ANKRD30B: variants seen among roughly 807,000 people sequenced by gnomAD.
ANKRD30B encodes the protein ankyrin repeat domain 30B, also known as ankyrin repeat domain-containing protein 30B.
Under a neutral mutation model 202.2 loss-of-function variants are expected in ANKRD30B, and 144 were observed. The observed-to-expected ratio is 0.71, with a 90% CI of 0.62 to 0.82. The LOEUF is 0.82. Ranked by LOEUF, ANKRD30B falls within the 40% of genes least tolerant of loss-of-function variation. The pLI is 0.00. For synonymous variants in ANKRD30B, 508 were observed against 561.3 expected (o/e 0.91, Z 1.34); for missense variants, 1,487 against 1,669.1 (o/e 0.89, Z 1.90).
At chr18:14,869,731 C>A in the ANKRD30B span, among the ~76,000 whole-genome samples, 78,720 of 150,146 alleles carry the variant, frequency 0.52, 20,772 homozygotes, top group African/African-American at 0.55. Context: ...CATGTCTTAC[C>A]TTTTATTAAT....
intron 16 of ANKRD30B, among the ~76,000 whole-genome samples, chr18:14,792,547 T>G (rs933826040): frequency 3.9e-5 from 6 of 152,014 alleles, no homozygotes; most frequent in African/African-American, 7.2e-5. Flanking sequence ...AGAAGCCAGC[T>G]AGATTATTTT....
At chr18:14,798,221 T>C (rs1969055284) in intron 20 of ANKRD30B, among the ~76,000 whole-genome samples, 1 of 147,778 alleles carries the variant, frequency 6.8e-6, no homozygotes, top group African/African-American at 2.5e-5. Context: ...TCACTGGATA[T>C]ACCCGCATTT....
chr18:14,879,216 G>A, the ANKRD30B span, among the ~76,000 whole-genome samples: 2 of 152,110 alleles, frequency 1.3e-5, no homozygotes, highest in African/African-American at 4.8e-5. Context: ...TCAGAGACCA[G>A]TTAGAAGGGT....
chr18:14,749,047 A>T (rs1175676519), intron 1 of ANKRD30B, among the ~76,000 whole-genome samples: 4 of 152,248 alleles, frequency 2.6e-5, no homozygotes, highest in Non-Finnish European at 5.9e-5. Context: ...TAATGAACTA[A>T]TTCCCATAAT....
At chr18:14,906,915 G>A in the ANKRD30B span, among the ~76,000 whole-genome samples, 1 of 148,338 alleles carries the variant, frequency 6.7e-6, no homozygotes, top group African/African-American at 2.5e-5. Flanking sequence ...GAGGGTGGGG[G>A]GTTGGGTGGC....
chr18:14,923,706 A>T, the ANKRD30B span, among the ~76,000 whole-genome samples: 1 of 152,232 alleles, frequency 6.6e-6, no homozygotes, highest in Non-Finnish European at 1.5e-5. Context: ...AGACCCAGTG[A>T]TGTGCTGGCT....
chr18:14,831,227 A>T (rs1970924156), intron 33 of ANKRD30B, among the ~76,000 whole-genome samples, 156 bp from the exon 34 acceptor site: 1 of 148,646 alleles, frequency 6.7e-6, no homozygotes, highest in African/African-American at 2.5e-5. Flanking sequence ...TATTTTAATT[A>T]TGCCAAGAAA....
chr18:14,808,983 A>AT (rs1488523755), intron 26 of ANKRD30B, among the ~76,000 whole-genome samples: 1 of 150,890 alleles, frequency 6.6e-6, no homozygotes, highest in African/African-American at 2.5e-5. Context: ...CTGCAATGCA[A>AT]TGGGGCCTTG....
chr18:14,935,930 C>T, the ANKRD30B span, among the ~76,000 whole-genome samples: 1 of 152,212 alleles, frequency 6.6e-6, no homozygotes, highest in East Asian at 1.9e-4. Flanking sequence ...TTTCCTTTAC[C>T]TTCAAACTTG....
intron 7 of ANKRD30B, among the ~76,000 whole-genome samples, chr18:14,767,740 T>C (rs1391874064): frequency 6.6e-6 from 1 of 152,168 alleles, no homozygotes; most frequent in East Asian, 1.9e-4. Flanking sequence ...AAAGGAATGA[T>C]TCATGACCTG....
intron 30 of ANKRD30B, among the ~76,000 whole-genome samples, chr18:14,820,572 AG>A (rs547290498): frequency 0.015 from 2,269 of 152,282 alleles, 59 homozygotes; most frequent in African/African-American, 0.052. Context: ...TTTAGCATGA[AG>A]GGTTGTTGAA....
chr18:14,766,260 C>T (rs1041647016), intron 7 of ANKRD30B, among the ~76,000 whole-genome samples: 1 of 151,596 alleles, frequency 6.6e-6, no homozygotes, highest in African/African-American at 2.4e-5. Flanking sequence ...ATCATGAGGT[C>T]AGGAGATGGA....
chr18:14,788,800 G>C (rs561309735), intron 15 of ANKRD30B, among the ~76,000 whole-genome samples: 52 of 152,010 alleles, frequency 3.4e-4, no homozygotes, highest in Non-Finnish European at 6.0e-4. Flanking sequence ...ATCATTGTTG[G>C]ACATTTGGGT....
intron 30 of ANKRD30B, among the ~76,000 whole-genome samples, chr18:14,815,203 G>A (rs372051104): frequency 1.0e-5 from 1 of 99,470 alleles, no homozygotes; most frequent in Admixed American, 1.2e-4. Context: ...CTCACTGGTG[G>A]GAAGCCATTA....
chr18:14,762,021 T>C (rs1915338798), intron 6 of ANKRD30B, among the ~76,000 whole-genome samples: 1 of 152,210 alleles, frequency 6.6e-6, no homozygotes, highest in South Asian at 2.1e-4. Context: ...TTATATGTAC[T>C]ATATACGGTA....
At chr18:14,938,704 C>T in the ANKRD30B span, among the ~76,000 whole-genome samples, 3 of 152,078 alleles carry the variant, frequency 2.0e-5, no homozygotes, top group Non-Finnish European at 2.9e-5. Context: ...CATGGGGAGT[C>T]GGGCTAAAGG....
Position 14,752,596 on chromosome 18 carries a change from C to T in ANKRD30B, c.252C>T (p.Gly84=). ...CTCTACACTGGGCCTGTGTCAATGG[C>T]CATGCAGAAGTAGTAACATTTCTGG... is the stretch of plus-strand genomic sequence containing the variant. ...RTALHWACVN[G]HAEVVTFLVD... Residue 84 remains glycine, a synonymous_variant, in exon 2 of 44, where the codon GGC becomes GGT. Coordinates refer to ENST00000690538, the MANE Select transcript of ANKRD30B (RefSeq NM_001367607.2). 1 of 1,612,392 alleles carries T rather than the reference C, an allele frequency of 6.2e-7. No individual in the cohort carries two copies. The highest frequency in any genetic ancestry group is 2.2e-5 in the East Asian group (1 of 44,846).
chr18:14,902,648 A>G, the ANKRD30B span, among the ~76,000 whole-genome samples: 1 of 151,182 alleles, frequency 6.6e-6, no homozygotes, highest in African/African-American at 2.4e-5. Context: ...TCTCAACCTC[A>G]CTCTCCATGT....
At chr18:14,797,188 T>C (rs750594704) in intron 18 of ANKRD30B, among the ~76,000 whole-genome samples, 6 of 152,086 alleles carry the variant, frequency 3.9e-5, no homozygotes, top group Non-Finnish European at 5.9e-5. Context: ...CATAGCACTA[T>C]CTTATCCATA....
Sources: gnomAD v4.1 joint callset for allele counts (sites outside exome capture counted in the v4.1 genomes callset) on GRCh38, gnomAD v4.1.1 for gene constraint, MANE v1.5 for transcripts, NCBI Gene and HGNC (gene_info 2026-07-23, HGNC 2026-07-21) for gene names.